PRDM6: variants seen among roughly 807,000 people sequenced by gnomAD.
The protein encoded by PRDM6 is putative histone-lysine N-methyltransferase PRDM6.
A neutral mutation model predicts 60.8 loss-of-function variants in PRDM6; 25 were observed. That is an observed-to-expected ratio of 0.41 (90% CI 0.30 to 0.57). The LOEUF (loss-of-function observed/expected upper bound fraction) is 0.57, where lower values mean the gene tolerates loss of function less well. Among genes scored for constraint, PRDM6 ranks in the 20% least tolerant of loss-of-function variants. The pLI is 0.27. For synonymous variants in PRDM6, 407 were observed against 357.4 expected (o/e 1.14, Z -1.57); for missense variants, 839 against 821.3 (o/e 1.02, Z -0.26).
intron 3 of PRDM6, among the ~76,000 whole-genome samples, chr5:123,139,796 T>TA (rs1467873917): frequency 2.6e-5 from 4 of 152,126 alleles, no homozygotes; most frequent in Non-Finnish European, 5.9e-5. Flanking sequence ...AATTGAAAGA[T>TA]ATCAGAGATT....
At chr5:123,116,989 A>G (rs1764464463) in intron 3 of PRDM6, among the ~76,000 whole-genome samples, 1 of 152,194 alleles carries the variant, frequency 6.6e-6, no homozygotes, top group Admixed American at 6.5e-5. Flanking sequence ...ACTTCTCTGT[A>G]GCTGGAAAAT....
intron 3 of PRDM6, among the ~76,000 whole-genome samples, 182 bp from the exon 4 acceptor site, chr5:123,155,702 C>G (rs898141426): frequency 6.6e-6 from 1 of 152,206 alleles, no homozygotes; most frequent in Non-Finnish European, 1.5e-5. Flanking sequence ...ACATGATCGA[C>G]TTGCATCATC....
At chr5:123,089,924 C>T in intron 1 of PRDM6, 76 bp from the exon 2 acceptor site, 1 of 1,117,032 alleles carries the variant, frequency 9.0e-7, no homozygotes, top group Non-Finnish European at 1.3e-6. Context: ...GCACTTTCTC[C>T]AGGGTCCCAG....
chr5:123,095,869 C>G (rs998723411), intron 2 of PRDM6, among the ~76,000 whole-genome samples: 6 of 152,180 alleles, frequency 3.9e-5, no homozygotes, highest in African/African-American at 1.4e-4. Flanking sequence ...TTTCCTAGAA[C>G]GAGAAATGAA....
chr5:123,147,863 C>T (rs1341132989), intron 3 of PRDM6, among the ~76,000 whole-genome samples: 3 of 152,204 alleles, frequency 2.0e-5, no homozygotes, highest in Non-Finnish European at 4.4e-5. Context: ...GGCTTCATAT[C>T]GACGGCTGCC....
intron 2 of PRDM6, among the ~76,000 whole-genome samples, chr5:123,096,934 G>T (rs1375449386): frequency 1.3e-5 from 2 of 152,092 alleles, no homozygotes; most frequent in Non-Finnish European, 2.9e-5. Context: ...GGGATGACAC[G>T]TGTGGAGAAG....
Position 123,143,825 on chromosome 5 carries a change from A to G in PRDM6, c.901-12059A>G, listed in dbSNP as rs148044479. On this transcript the variant is annotated intron_variant, in intron 3 of 7. Coordinates refer to ENST00000407847, the MANE Select transcript of PRDM6 (RefSeq NM_001136239.4). ...GGTATACTTTAAATGTTTACCTTTA[A>G]CAACTTAATGCTTTTAATACCAGAA... is the stretch of plus-strand genomic sequence containing the variant. 2.3e-3 allele frequency among the ~76,000 whole-genome samples: 357 copies of G among 152,340 alleles called. 1 individual carries two copies. Among genetic ancestry groups the G allele is most frequent in the African/African-American group, 8.4e-3 (350 of 41,574 alleles).
intron 3 of PRDM6, among the ~76,000 whole-genome samples, chr5:123,129,569 C>T (rs1764772881): frequency 6.6e-6 from 1 of 152,122 alleles, no homozygotes; most frequent in Non-Finnish European, 1.5e-5. Flanking sequence ...CTTGGTATAT[C>T]ATTATCATCA....
At chr5:123,120,924 GC>G (rs1244565941) in intron 3 of PRDM6, among the ~76,000 whole-genome samples, 12 of 152,130 alleles carry the variant, frequency 7.9e-5, no homozygotes, top group Admixed American at 7.9e-4. Flanking sequence ...AGAGTTATTG[GC>G]AGAAATGAAT....
At chr5:123,121,858 T>G (rs530363251) in intron 3 of PRDM6, among the ~76,000 whole-genome samples, 127 of 151,326 alleles carry the variant, frequency 8.4e-4, no homozygotes, top group African/African-American at 3.0e-3. Context: ...TTTTAGTTTT[T>G]TTTTTTTTTT....
At chr5:123,157,361 A>G (rs563467596) in intron 4 of PRDM6, among the ~76,000 whole-genome samples, 34 of 152,278 alleles carry the variant, frequency 2.2e-4, no homozygotes, top group Admixed American at 8.5e-4. Flanking sequence ...AAAATTAGTG[A>G]AGATTGTACT....
intron 5 of PRDM6, among the ~76,000 whole-genome samples, chr5:123,170,237 T>G (rs1278807465): frequency 6.6e-6 from 1 of 152,140 alleles, no homozygotes; most frequent in African/African-American, 2.4e-5. Context: ...ATGCTAGACT[T>G]CTCCTGCCTC....
chr5:123,090,372 G>C lies in PRDM6; in HGVS notation c.358G>C (p.Ala120Pro). Reference protein sequence around the residue: ...ALPVSQLPVFAPLAAAAVAAE... With the variant: ...ALPVSQLPVFPPLAAAAVAAE... Reference sequence around the variant, plus strand: ...GCCGGTGTCGCAGCTGCCGGTGTTCGCGCCTCTAGCCGCCGCTGCCGTCGC... The same window carrying C: ...GCCGGTGTCGCAGCTGCCGGTGTTCCCGCCTCTAGCCGCCGCTGCCGTCGC... The change falls in exon 2 of 8, where the codon GCG (alanine) becomes CCG (proline). Residue 120 changes from alanine (A) to proline (P), a missense_variant. Ala to Pro is a conservative substitution (Grantham distance 27). Coordinates refer to ENST00000407847, the MANE Select transcript of PRDM6 (RefSeq NM_001136239.4). The C allele has an allele frequency of 6.8e-7, 1 of 1,470,254 alleles. No individual in the cohort carries two copies. The highest frequency in any genetic ancestry group is 9.0e-7 in the Non-Finnish European group (1 of 1,116,364). 91.1% of individuals were successfully genotyped at this position (1,470,254 alleles called of 1,614,324 possible).
At chr5:123,098,235 G>T (rs1195738512) in intron 2 of PRDM6, among the ~76,000 whole-genome samples, 2 of 152,224 alleles carry the variant, frequency 1.3e-5, no homozygotes, top group Admixed American at 6.5e-5. Flanking sequence ...GCCACCCGCC[G>T]CCCCGCTCTG....
chr5:123,124,875 G>C (rs1200742778), intron 3 of PRDM6, among the ~76,000 whole-genome samples: 1 of 151,586 alleles, frequency 6.6e-6, no homozygotes, highest in Non-Finnish European at 1.5e-5. Flanking sequence ...GTAAAATAAA[G>C]ATATTCTACA....
intron 3 of PRDM6, among the ~76,000 whole-genome samples, chr5:123,118,586 A>T (rs1255620750): frequency 6.6e-6 from 1 of 152,234 alleles, no homozygotes; most frequent in Non-Finnish European, 1.5e-5. Context: ...GTCTGGGGAC[A>T]TCCCTGAACC....
chr5:123,134,442 TGAAAG>T (rs1184291644), intron 3 of PRDM6, among the ~76,000 whole-genome samples: 1 of 152,116 alleles, frequency 6.6e-6, no homozygotes. Context: ...TTTATTTTAA[TGAAAG>T]GAATTGGTAC....
intron 3 of PRDM6, among the ~76,000 whole-genome samples, chr5:123,155,521 G>A (rs987298505): frequency 3.9e-5 from 6 of 152,072 alleles, no homozygotes; most frequent in African/African-American, 1.4e-4. Context: ...GAATGTGGAT[G>A]TTCCAACAAT....
intron 6 of PRDM6, among the ~76,000 whole-genome samples, chr5:123,176,674 C>T (rs1341294920): frequency 3.9e-5 from 6 of 152,102 alleles, no homozygotes; most frequent in Non-Finnish European, 7.4e-5. Flanking sequence ...GATCACGCCA[C>T]TGTACTCCAG....
Sources: gnomAD v4.1 joint callset for allele counts (sites outside exome capture counted in the v4.1 genomes callset) on GRCh38, gnomAD v4.1.1 for gene constraint, MANE v1.5 for transcripts, NCBI Gene and HGNC (gene_info 2026-07-23, HGNC 2026-07-21) for gene names.